Variants in DNMT3B observed in about 807,000 individuals in gnomAD.
DNMT3B encodes DNA (cytosine-5)-methyltransferase 3B.
A neutral mutation model predicts 120.2 loss-of-function variants in DNMT3B; 37 were observed. That is an observed-to-expected ratio of 0.31 (90% confidence interval 0.24 to 0.40). DNMT3B has a LOEUF of 0.40. Among genes scored for constraint, DNMT3B ranks in the 10% least tolerant of loss-of-function variants. The pLI is 1.00. For synonymous variants in DNMT3B, 412 were observed against 442.8 expected (o/e 0.93, Z 0.87); for missense variants, 878 against 1,137.3 (o/e 0.77, Z 3.28).
At chr20:32,806,428 C>T (rs1025186851) in intron 22 of DNMT3B, 101 bp downstream of exon 22, 20 of 1,106,346 alleles carry the variant, frequency 1.8e-5, no homozygotes, top group Non-Finnish European at 2.8e-5. Flanking sequence ...CCTCACTGCC[C>T]TTTGGTGTTA....
At position 32,793,536 on chromosome 20, in the gene DNMT3B, T is replaced by G. The variant is rs1980239350; in HGVS notation, c.1067T>G (p.Val356Gly). 1 of 1,614,116 alleles carries G rather than the reference T, an allele frequency of 6.2e-7. No individual in the cohort carries two copies. Among genetic ancestry groups the G allele is most frequent in the Non-Finnish European group, 8.5e-7 (1 of 1,180,008 alleles). ...EGLKPNNTQP[V>G]VNKSKVRRAG... ...TTTTGTTTTGTTTTCCCCTCAAAAG[T>G]GGTTAATAAGTCGAAGGTGCGTCGT... The change falls in exon 10 of 23, where the codon GTG becomes GGG. Residue 356 changes from valine (V) to glycine (G), a missense_variant and splice_region_variant. Val to Gly is a moderately radical substitution (Grantham distance 109, BLOSUM62 -3). This residue lies in a region of DNMT3B where 207 missense variants were observed against 222.6 expected (regional missense o/e 0.93). Coordinates refer to ENST00000328111, the MANE Select transcript of DNMT3B (RefSeq NM_006892.4).
At chr20:32,791,051 CAGG>C (rs1465121487) in intron 7 of DNMT3B, among the ~76,000 whole-genome samples, 2 of 152,192 alleles carry the variant, frequency 1.3e-5, no homozygotes, top group Admixed American at 1.3e-4. Flanking sequence ...CTTGGTACAT[CAGG>C]AGACTTGTGG....
intron 7 of DNMT3B, among the ~76,000 whole-genome samples, chr20:32,789,558 C>T (rs1469885946): frequency 6.6e-6 from 1 of 152,144 alleles, no homozygotes; most frequent in African/African-American, 2.4e-5. Flanking sequence ...TTGGGCATAA[C>T]TAGGCTGTTT....
chr20:32,762,769 CG>C, intron 1 of DNMT3B, 70 bp downstream of exon 1: 2 of 155,004 alleles, frequency 1.3e-5, no homozygotes, highest in South Asian at 1.9e-4. Context: ...GAGGGGACGG[CG>C]GGGGCTCCCG....
intron 7 of DNMT3B, among the ~76,000 whole-genome samples, chr20:32,790,676 C>CTT (rs1203249576): frequency 6.8e-6 from 1 of 147,836 alleles, no homozygotes; most frequent in Non-Finnish European, 1.5e-5. Flanking sequence ...CTTTCAGTTC[C>CTT]TTTTTTTTTT....
intron 2 of DNMT3B, 106 bp downstream of exon 2, chr20:32,780,571 A>G: frequency 6.6e-7 from 1 of 1,505,078 alleles, no homozygotes; most frequent in Non-Finnish European, 8.9e-7. Flanking sequence ...CTCCACCACA[A>G]TTCCCCGGGA....
At chr20:32,774,358 C>T (rs1225238611) in intron 1 of DNMT3B, among the ~76,000 whole-genome samples, 2 of 151,884 alleles carry the variant, frequency 1.3e-5, no homozygotes, top group Non-Finnish European at 2.9e-5. Context: ...TACAGGTGCT[C>T]ACCACCATGC....
intron 1 of DNMT3B, among the ~76,000 whole-genome samples, chr20:32,763,389 C>T (rs1246985305): frequency 6.6e-6 from 1 of 152,192 alleles, no homozygotes; most frequent in Non-Finnish European, 1.5e-5. Flanking sequence ...GGGCTGCCCT[C>T]TGCCTGTGCA....
chr20:32,799,723 G>T (rs1981087236), intron 16 of DNMT3B, among the ~76,000 whole-genome samples: 1 of 152,050 alleles, frequency 6.6e-6, no homozygotes, highest in African/African-American at 2.4e-5. Flanking sequence ...TCTCCACGTT[G>T]GTCAGGTTGG....
intron 5 of DNMT3B, 134 bp from the exon 6 acceptor site, chr20:32,787,096 T>C: frequency 9.2e-7 from 1 of 1,083,584 alleles, no homozygotes; most frequent in Non-Finnish European, 1.4e-6. Context: ...GAAAAGTTTC[T>C]TCAGCGGTCT....
intron 22 of DNMT3B, 92 bp from the exon 23 acceptor site, chr20:32,807,670 C>T (rs1042196042): frequency 5.1e-6 from 8 of 1,583,268 alleles, no homozygotes; most frequent in South Asian, 3.3e-5. Flanking sequence ...TGAGGGATGG[C>T]GAGGGCAGAA....
intron 1 of DNMT3B, among the ~76,000 whole-genome samples, chr20:32,766,909 A>G (rs180993707): frequency 1.4e-5 from 2 of 146,498 alleles, no homozygotes; most frequent in East Asian, 2.1e-4. Context: ...TTATTTTTTG[A>G]GATGGAGTTT....
intron 10 of DNMT3B, among the ~76,000 whole-genome samples, chr20:32,794,477 T>G (rs1980379970): frequency 6.6e-6 from 1 of 150,446 alleles, no homozygotes; most frequent in Non-Finnish European, 1.5e-5. Flanking sequence ...TGGTCGGGAG[T>G]TCACCAGCCT....
Position 32,800,770 on chromosome 20 carries a change from G to C in DNMT3B, c.1906-65G>C. ...TCGTCCAGCCCCACGCAAGATTCTAGAAGTGGGTCCAGCTCTCTTTCCCTC... is the reference window on the plus strand; with the variant it reads ...TCGTCCAGCCCCACGCAAGATTCTACAAGTGGGTCCAGCTCTCTTTCCCTC... On this transcript the variant is annotated intron_variant, in intron 17 of 22. Transcript: ENST00000328111. 5.8e-6 allele frequency: 9 copies of C among 1,557,646 alleles called. No individual in the cohort carries two copies. The South Asian group carries it at 1.0e-4, about 17-fold the overall frequency.
chr20:32,805,368 C>T lies in DNMT3B; in HGVS notation c.2262C>T (p.Leu754=), dbSNP rs1249083500. 7 of 1,613,950 alleles carry T rather than the reference C, an allele frequency of 4.3e-6. No homozygotes were observed. The highest frequency in any genetic ancestry group is 1.3e-5 in the African/African-American group (1 of 74,890). ...RPVIASKNDK[L]ELQDCLEYNR... The stretch of plus-strand genomic sequence containing the variant: ...TGATAGCATCAAAGAATGATAAACT[C>T]GAGCTGCAGGACTGCTTGGAATACA... The change falls in exon 21 of 23, where the codon CTC becomes CTT. Residue 754 remains leucine (L), a synonymous_variant. Coordinates refer to ENST00000328111, the MANE Select transcript of DNMT3B (RefSeq NM_006892.4).
chr20:32,775,450 T>A (rs1277735375), intron 1 of DNMT3B, among the ~76,000 whole-genome samples: 1 of 152,060 alleles, frequency 6.6e-6, no homozygotes, highest in Non-Finnish European at 1.5e-5. Context: ...CTCCTCTGAG[T>A]CTAATTGGGG....
At chr20:32,793,692 C>T in intron 10 of DNMT3B, 97 bp downstream of exon 10, 1 of 1,394,606 alleles carries the variant, frequency 7.2e-7, no homozygotes, top group Non-Finnish European at 1.0e-6. Context: ...AATCAAATTT[C>T]TTGAAAAGTC....
At chr20:32,800,351 G>A in intron 17 of DNMT3B, 53 bp downstream of exon 17, 2 of 1,612,184 alleles carry the variant, frequency 1.2e-6, no homozygotes, top group Non-Finnish European at 1.7e-6. Context: ...TTTTTCCCCA[G>A]TCCTCCACAC....
chr20:32,792,593 C>A (rs764423053), intron 8 of DNMT3B, 33 bp from the exon 9 acceptor site: 10 of 1,613,080 alleles, frequency 6.2e-6, no homozygotes, highest in Non-Finnish European at 7.6e-6. Context: ...CTCCTCCCCA[C>A]CCCCCCATTC....
Sources: gnomAD v4.1 joint callset for allele counts (sites outside exome capture counted in the v4.1 genomes callset) on GRCh38, gnomAD v4.1.1 for gene constraint, gnomAD v4.1.1 regional missense constraint, MANE v1.5 for transcripts, NCBI Gene and HGNC (gene_info 2026-07-23, HGNC 2026-07-21) for gene names.